Variants in FGD6 observed in about 807,000 individuals in gnomAD.
FGD6 encodes FYVE, RhoGEF and PH domain-containing protein 6.
FGD6 carries 90 observed loss-of-function variants against 149.4 expected under a neutral mutation model. That is an observed-to-expected ratio of 0.60 (90% confidence interval 0.51 to 0.72). The LOEUF is 0.72. Among genes scored for constraint, FGD6 ranks in the 30% least tolerant of loss-of-function variants. The probability of loss-of-function intolerance (pLI) is 0.00; values close to 1 mark genes in which losing one functional copy is unlikely to be tolerated. For missense variants in FGD6, 1,437 were observed against 1,684.8 expected, an observed-to-expected ratio of 0.85 and a Z score of 2.57; for synonymous variants, 527 against 584.0, an observed-to-expected ratio of 0.90 and a Z score of 1.41.
At chr12:95,158,794 G>A (rs548840684) in intron 3 of FGD6, among the ~76,000 whole-genome samples, 2 of 152,036 alleles carry the variant, frequency 1.3e-5, no homozygotes, top group African/African-American at 2.4e-5. Context: ...GGCCAAGGTG[G>A]GAGGATTGCT....
At chr12:95,212,477 G>A (rs976444722) in intron 1 of FGD6, among the ~76,000 whole-genome samples, 1 of 152,108 alleles carries the variant, frequency 6.6e-6, no homozygotes, top group Non-Finnish European at 1.5e-5. Flanking sequence ...CCTATAAAGC[G>A]AAAAGATAAA....
intron 14 of FGD6, among the ~76,000 whole-genome samples, chr12:95,095,699 C>CAG (rs2136235311): frequency 6.6e-6 from 1 of 151,980 alleles, no homozygotes; most frequent in South Asian, 2.1e-4. Context: ...GTTTAATTTA[C>CAG]AGAGGCATTT....
chr12:95,185,636 G>C (rs573710148), intron 2 of FGD6, among the ~76,000 whole-genome samples: 2 of 152,190 alleles, frequency 1.3e-5, no homozygotes, highest in African/African-American at 2.4e-5. Context: ...GCTGAGGCAG[G>C]AGGATCATGA....
chr12:95,138,315 G>A (rs1263881449), intron 6 of FGD6, among the ~76,000 whole-genome samples: 2 of 152,150 alleles, frequency 1.3e-5, no homozygotes, highest in Non-Finnish European at 2.9e-5. Context: ...AGGCCGAGAC[G>A]GGCAGATTAC....
At chr12:95,162,675 G>T (rs1375948065) in intron 3 of FGD6, among the ~76,000 whole-genome samples, 1 of 152,156 alleles carries the variant, frequency 6.6e-6, no homozygotes, top group South Asian at 2.1e-4. Flanking sequence ...TCAGGCAGAG[G>T]TGTGTCAATC....
intron 5 of FGD6, among the ~76,000 whole-genome samples, chr12:95,148,697 T>C (rs1464652998): frequency 2.7e-5 from 3 of 109,518 alleles, no homozygotes; most frequent in African/African-American, 3.6e-5. Flanking sequence ...ATATATTATA[T>C]ATTATATAAT....
chr12:95,140,194 T>C (rs920979410), intron 6 of FGD6, among the ~76,000 whole-genome samples: 4 of 152,158 alleles, frequency 2.6e-5, no homozygotes. Context: ...TTTTCAACAG[T>C]AAATTCAATC....
chr12:95,167,612 T>A (rs867593380), intron 3 of FGD6, among the ~76,000 whole-genome samples: 50 of 150,014 alleles, frequency 3.3e-4, no homozygotes, highest in African/African-American at 1.1e-3. Context: ...TCTAGCTCTG[T>A]CACCCAGGTT....
chr12:95,185,677 A>G (rs1352906609), intron 2 of FGD6, among the ~76,000 whole-genome samples: 3 of 152,166 alleles, frequency 2.0e-5, no homozygotes, highest in Non-Finnish European at 2.9e-5. Flanking sequence ...CCTGGTCAAC[A>G]TGGCGAAACC....
intron 2 of FGD6, among the ~76,000 whole-genome samples, chr12:95,179,275 T>A (rs1592865396): frequency 6.7e-6 from 1 of 148,822 alleles, no homozygotes; most frequent in East Asian, 2.0e-4. Context: ...GGGGTGGGGG[T>A]GATTGCTTGG....
At chr12:95,170,122 A>G (rs1159709212) in intron 3 of FGD6, among the ~76,000 whole-genome samples, 1 of 151,898 alleles carries the variant, frequency 6.6e-6, no homozygotes, top group Non-Finnish European at 1.5e-5. Context: ...CTCCGTCTCA[A>G]AAAAAAAGAA....
At chr12:95,088,524 G>A (rs1435881276) in intron 18 of FGD6, among the ~76,000 whole-genome samples, 1 of 152,136 alleles carries the variant, frequency 6.6e-6, no homozygotes, top group Non-Finnish European at 1.5e-5. Context: ...CAACTTCCCA[G>A]TTCCTCAAAA....
intron 2 of FGD6, among the ~76,000 whole-genome samples, chr12:95,202,390 A>AAAAATAAAATAAAGTAAAAT (rs2056668386): frequency 7.1e-6 from 1 of 141,708 alleles, no homozygotes; most frequent in African/African-American, 2.6e-5. Context: ...CCATTTCCCA[A>AAAAATAAAATAAAGTAAAAT]AAAATAAAAT....
At chr12:95,195,641 T>C (rs1881717648) in intron 2 of FGD6, among the ~76,000 whole-genome samples, 1 of 145,802 alleles carries the variant, frequency 6.9e-6, no homozygotes, top group African/African-American at 2.5e-5. Context: ...GTCAGAATTA[T>C]AGGATATTTT....
intron 14 of FGD6, among the ~76,000 whole-genome samples, chr12:95,095,222 T>A (rs930900217): frequency 3.3e-5 from 5 of 152,182 alleles, no homozygotes; most frequent in Non-Finnish European, 7.3e-5. Context: ...ACAATGAGGT[T>A]CACACGGTAA....
At chr12:95,178,816 T>A (rs1162981075) in intron 2 of FGD6, among the ~76,000 whole-genome samples, 1 of 151,314 alleles carries the variant, frequency 6.6e-6, no homozygotes, top group Non-Finnish European at 1.5e-5. Context: ...TACCACAGAA[T>A]TTTGTTACTT....
intron 5 of FGD6, among the ~76,000 whole-genome samples, chr12:95,145,700 T>C (rs1879993166): frequency 6.6e-6 from 1 of 152,068 alleles, no homozygotes; most frequent in African/African-American, 2.4e-5. Context: ...GTTTTTGAGA[T>C]GGAGTTTTGC....
intron 9 of FGD6, among the ~76,000 whole-genome samples, chr12:95,111,605 C>T (rs1350558514): frequency 6.6e-6 from 1 of 152,130 alleles, no homozygotes; most frequent in African/African-American, 2.4e-5. Context: ...CTTTTTCCTG[C>T]AAAGCTTCCC....
chr12:95,148,465 T>C (rs948059130), intron 5 of FGD6, among the ~76,000 whole-genome samples: 1 of 144,620 alleles, frequency 6.9e-6, no homozygotes, highest in Non-Finnish European at 1.5e-5. Flanking sequence ...TCCATCTTTG[T>C]CTAAAAAATC....
Sources: gnomAD v4.1 joint callset for allele counts (sites outside exome capture counted in the v4.1 genomes callset) on GRCh38, gnomAD v4.1.1 for gene constraint, MANE v1.5 for transcripts, NCBI Gene and HGNC (gene_info 2026-07-23, HGNC 2026-07-21) for gene names.